The following PSTPIP2 variants were observed in gnomAD, a reference collection of about 807,000 sequenced individuals.
The protein encoded by PSTPIP2 is proline-serine-threonine phosphatase interacting protein 2.
Under a neutral mutation model 63.3 loss-of-function variants are expected in PSTPIP2, and 33 were observed. The observed-to-expected ratio is 0.52, with a 90% CI of 0.40 to 0.70. The LOEUF (loss-of-function observed/expected upper bound fraction) is 0.70. Among genes scored for constraint, PSTPIP2 ranks in the 30% least tolerant of loss-of-function variants. The pLI is 0.00. For missense variants in PSTPIP2, 312 were observed against 400.7 expected, an observed-to-expected ratio of 0.78 and a Z score of 1.89; for synonymous variants, 125 against 132.7, an observed-to-expected ratio of 0.94 and a Z score of 0.40.
At chr18:46,005,962 G>A (rs1049397503) in intron 5 of PSTPIP2, among the ~76,000 whole-genome samples, 4 of 152,172 alleles carry the variant, frequency 2.6e-5, no homozygotes, top group Non-Finnish European at 5.9e-5. Flanking sequence ...GCCCATCAGT[G>A]ACACATCCAT....
chr18:46,015,802 C>A lies in PSTPIP2; in HGVS notation c.247+101G>T. Reference sequence around the variant, plus strand: ...TAGGAGTTGCTCTAATTTTTTTTCACCCACTATGAAACTGCTGTTCAAATT... The same window carrying A: ...TAGGAGTTGCTCTAATTTTTTTTCAACCACTATGAAACTGCTGTTCAAATT... On this transcript the variant is annotated intron_variant, in intron 4 of 14. Transcript: ENST00000409746. 4 of 1,324,292 alleles carry A rather than the reference C, an allele frequency of 3.0e-6. No homozygotes were observed. The South Asian group carries it at 5.3e-5, about 18-fold the overall frequency. 82.0% of individuals were successfully genotyped at this position (1,324,292 alleles called of 1,614,324 possible). A position where few individuals can be genotyped will look rare whatever the true frequency, so the allele number is the denominator to read the frequency against.
At chr18:45,988,603 G>A in intron 14 of PSTPIP2, 99 bp downstream of exon 14, 1 of 1,041,696 alleles carries the variant, frequency 9.6e-7, no homozygotes, top group Non-Finnish European at 1.5e-6. Context: ...GCAAGGCCTT[G>A]CTAGTTTGTG....
At chr18:46,052,075 C>T (rs1024484843) in intron 1 of PSTPIP2, among the ~76,000 whole-genome samples, 5 of 152,170 alleles carry the variant, frequency 3.3e-5, no homozygotes, top group Admixed American at 1.3e-4. Context: ...GAACTAGGTC[C>T]GCAAATATGG....
chr18:46,049,252 C>T (rs1233755884), intron 1 of PSTPIP2, among the ~76,000 whole-genome samples: 1 of 151,778 alleles, frequency 6.6e-6, no homozygotes, highest in Non-Finnish European at 1.5e-5. Context: ...CAAGTGGGAG[C>T]GAAATGATGA....
intron 6 of PSTPIP2, among the ~76,000 whole-genome samples, chr18:46,001,178 C>T (rs925490969): frequency 1.3e-5 from 2 of 152,202 alleles, no homozygotes; most frequent in Non-Finnish European, 2.9e-5. Context: ...ATACTGTTCT[C>T]CATAGTGGCT....
intron 1 of PSTPIP2, among the ~76,000 whole-genome samples, chr18:46,065,279 T>A (rs2144137148): frequency 6.6e-6 from 1 of 151,478 alleles, no homozygotes; most frequent in South Asian, 2.1e-4. Context: ...GATAGCAATA[T>A]ATAAAATAAG....
At chr18:46,070,324 T>A (rs1336426436) in intron 1 of PSTPIP2, among the ~76,000 whole-genome samples, 2 of 152,136 alleles carry the variant, frequency 1.3e-5, no homozygotes. Context: ...TACTGCAAAC[T>A]CTGTGGCCTG....
intron 6 of PSTPIP2, among the ~76,000 whole-genome samples, chr18:46,001,413 A>T (rs1304794074): frequency 1.3e-5 from 2 of 152,148 alleles, no homozygotes; most frequent in Non-Finnish European, 2.9e-5. Flanking sequence ...ATGTCTACTC[A>T]GATCCGTTGC....
chr18:46,016,006 T>C (rs2051849562), intron 3 of PSTPIP2, 69 bp from the exon 4 acceptor site: 1 of 1,525,698 alleles, frequency 6.6e-7, no homozygotes. Flanking sequence ...TATAATGCCT[T>C]TGCATGCTTC....
At chr18:46,013,716 C>T (rs770676585) in intron 4 of PSTPIP2, among the ~76,000 whole-genome samples, 2 of 152,146 alleles carry the variant, frequency 1.3e-5, no homozygotes, top group South Asian at 4.1e-4. Context: ...CCCCTCCAGA[C>T]TCATATCAAT....
At chr18:46,035,061 G>A (rs1431659263) in intron 2 of PSTPIP2, among the ~76,000 whole-genome samples, 1 of 152,032 alleles carries the variant, frequency 6.6e-6, no homozygotes, top group Admixed American at 6.6e-5. Flanking sequence ...GTGACAAGAT[G>A]GCTTCATTTC....
intron 6 of PSTPIP2, among the ~76,000 whole-genome samples, chr18:46,001,705 A>G (rs147790182): frequency 2.1e-3 from 320 of 152,170 alleles, no homozygotes; most frequent in Non-Finnish European, 3.9e-3. Context: ...CTTAGCAACC[A>G]CCATTCTATG....
intron 1 of PSTPIP2, among the ~76,000 whole-genome samples, chr18:46,051,191 T>C (rs939838295): frequency 1.3e-5 from 2 of 151,978 alleles, no homozygotes; most frequent in Non-Finnish European, 2.9e-5. Flanking sequence ...AAATTGAACA[T>C]AAGGCCGGGT....
chr18:46,031,105 T>C (rs1401871940), intron 2 of PSTPIP2, among the ~76,000 whole-genome samples: 1 of 152,236 alleles, frequency 6.6e-6, no homozygotes, highest in Non-Finnish European at 1.5e-5. Context: ...TCCTGTATTA[T>C]ATCTCTGAAT....
At chr18:46,018,557 CA>C (rs1332346402) in intron 3 of PSTPIP2, among the ~76,000 whole-genome samples, 2 of 152,114 alleles carry the variant, frequency 1.3e-5, no homozygotes, top group African/African-American at 4.8e-5. Flanking sequence ...TTAGTAGAGA[CA>C]GGGTTTTTCC....
intron 5 of PSTPIP2, among the ~76,000 whole-genome samples, chr18:46,007,449 C>T (rs976976277): frequency 6.6e-6 from 1 of 152,254 alleles, no homozygotes; most frequent in Admixed American, 6.5e-5. Context: ...TGGAAAGACA[C>T]ACGGCAGATC....
intron 3 of PSTPIP2, among the ~76,000 whole-genome samples, chr18:46,021,222 T>C (rs1280864083): frequency 1.3e-5 from 2 of 152,270 alleles, no homozygotes; most frequent in Middle Eastern, 3.4e-3. Flanking sequence ...AAACAATCCC[T>C]ATAATTTAAA....
chr18:46,039,839 G>C, intron 2 of PSTPIP2, 108 bp downstream of exon 2: 1 of 906,966 alleles, frequency 1.1e-6, no homozygotes, highest in Non-Finnish European at 1.8e-6. Flanking sequence ...AGAGCAGAGA[G>C]AGGGTCTTCA....
At chr18:45,992,079 C>T (rs777658018) in intron 11 of PSTPIP2, 27 bp downstream of exon 11, 1 of 1,598,110 alleles carries the variant, frequency 6.3e-7, no homozygotes, top group East Asian at 2.2e-5. Context: ...GTGTAAATAA[C>T]ACTCCCCACC....
Sources: allele counts gnomAD v4.1 joint callset (sites outside exome capture counted in the v4.1 genomes callset), GRCh38; gene constraint gnomAD v4.1.1; transcripts MANE v1.5; gene names NCBI Gene and HGNC (gene_info 2026-07-23, HGNC 2026-07-21).